STK3: variants seen among roughly 807,000 people sequenced by gnomAD.
STK3 encodes serine/threonine-protein kinase 3.
In STK3, 41 loss-of-function variants were observed where a neutral mutation model predicts 58.0. The ratio of observed to expected loss-of-function variants is 0.71; its 90% confidence interval spans 0.55 to 0.92. STK3 has a LOEUF of 0.92. Among genes scored for constraint, STK3 ranks in the 40% least tolerant of loss-of-function variants. STK3 has a pLI of 0.00. For synonymous variants in STK3, 170 were observed against 191.0 expected, an observed-to-expected ratio of 0.89 and a Z score of 0.91; for missense variants, 479 against 602.7, an observed-to-expected ratio of 0.79 and a Z score of 2.15.
intron 4 of STK3, among the ~76,000 whole-genome samples, chr8:98,731,056 T>C (rs557136478): frequency 6.6e-6 from 1 of 152,294 alleles, no homozygotes; most frequent in East Asian, 1.9e-4. Flanking sequence ...CGACAGGAGA[T>C]TATCAAATTA....
At chr8:98,922,104 T>G (rs1839588714) in intron 1 of STK3, among the ~76,000 whole-genome samples, 1 of 152,184 alleles carries the variant, frequency 6.6e-6, no homozygotes, top group African/African-American at 2.4e-5. Flanking sequence ...GGGAAACTGC[T>G]GGCGTATTTC....
At chr8:98,720,309 G>A (rs762900568) in intron 4 of STK3, among the ~76,000 whole-genome samples, 10 of 152,074 alleles carry the variant, frequency 6.6e-5, no homozygotes, top group Non-Finnish European at 1.2e-4. Context: ...TTTAACAGAC[G>A]AGGAAACGAA....
chr8:98,711,758 C>T (rs1242146315), intron 4 of STK3, among the ~76,000 whole-genome samples: 4 of 152,134 alleles, frequency 2.6e-5, no homozygotes, highest in African/African-American at 4.8e-5. Flanking sequence ...GGCAGGCTAC[C>T]ATTGAAATTC....
intron 6 of STK3, among the ~76,000 whole-genome samples, chr8:98,664,898 C>T (rs946313299): frequency 6.7e-6 from 1 of 149,960 alleles, no homozygotes; most frequent in African/African-American, 2.5e-5. Flanking sequence ...AAAACTCCGT[C>T]TCAATTAAAA....
At chr8:98,737,439 TCA>T (rs1828695417) in intron 4 of STK3, among the ~76,000 whole-genome samples, 1 of 152,080 alleles carries the variant, frequency 6.6e-6, no homozygotes, top group Admixed American at 6.5e-5. Context: ...ATACAAAATG[TCA>T]CACAGGATTA....
chr8:98,747,096 A>AG, intron 4 of STK3, among the ~76,000 whole-genome samples: 1 of 151,382 alleles, frequency 6.6e-6, no homozygotes, highest in East Asian at 1.9e-4. Flanking sequence ...CACCAAAAAA[A>AG]AAAAAAAAAA....
chr8:98,712,177 A>T (rs1477810825), intron 4 of STK3, among the ~76,000 whole-genome samples: 1 of 152,206 alleles, frequency 6.6e-6, no homozygotes, highest in Non-Finnish European at 1.5e-5. Context: ...CACTGCAAAA[A>T]CATGCCAAAT....
intron 4 of STK3, among the ~76,000 whole-genome samples, chr8:98,741,816 T>A (rs866412078): frequency 2.6e-5 from 4 of 151,876 alleles, no homozygotes; most frequent in Admixed American, 6.6e-5. Context: ...GAAAGGATCA[T>A]CAAAATTGAT....
intron 6 of STK3, among the ~76,000 whole-genome samples, chr8:98,673,331 C>T (rs1315136507): frequency 6.6e-6 from 1 of 152,172 alleles, no homozygotes; most frequent in Non-Finnish European, 1.5e-5. Context: ...CTATACCTTA[C>T]TTTGATCATC....
intron 8 of STK3, among the ~76,000 whole-genome samples, chr8:98,557,686 A>C (rs532102775): frequency 1.3e-5 from 2 of 151,968 alleles, no homozygotes; most frequent in South Asian, 4.2e-4. Flanking sequence ...TATAAAAAGA[A>C]TTAATTGTCT....
chr8:98,357,651 G>C, the STK3 span, among the ~76,000 whole-genome samples: 1 of 152,128 alleles, frequency 6.6e-6, no homozygotes, highest in Non-Finnish European at 1.5e-5. Flanking sequence ...AACCCCTTTG[G>C]GTAACATAGT....
chr8:98,906,270 G>T (rs1194235619), intron 1 of STK3: 2 of 152,466 alleles, frequency 1.3e-5, no homozygotes, highest in East Asian at 3.8e-4. Context: ...GCCGTTTCTT[G>T]GTGACATTGT....
At chr8:98,675,132 T>C (rs551629152) in intron 6 of STK3, among the ~76,000 whole-genome samples, 3 of 152,310 alleles carry the variant, frequency 2.0e-5, no homozygotes, top group South Asian at 2.1e-4. Context: ...AAGTGCTTCA[T>C]GAATAAAAGT....
chr8:98,540,510 T>C (rs181524610), intron 9 of STK3, among the ~76,000 whole-genome samples: 81 of 152,356 alleles, frequency 5.3e-4, no homozygotes, highest in Middle Eastern at 3.4e-3. Context: ...TTCCACTTCA[T>C]GTTATTTGCA....
intron 1 of STK3, among the ~76,000 whole-genome samples, chr8:98,803,609 G>A (rs2515217): frequency 0.7 from 87,732 of 124,838 alleles, 29,875 homozygotes; most frequent in African/African-American, 0.8. Context: ...AAAAAAAAAA[G>A]AAAAAAAAAG....
In STK3 at chr8:98,774,754, TC is replaced by T; in HGVS notation, c.91del (p.Glu31ArgfsTer37). The T allele has an allele frequency of 6.3e-7, 1 of 1,587,594 alleles. No individual in the cohort carries two copies. The highest frequency in any genetic ancestry group is 1.2e-5 in the South Asian group (1 of 84,374). ...TTGTACTTACCCTTCTCCAAGCTTC[TC>T]TAATACATCAAAAACTTCTTCAGGC... ...KQPEEVFDVL[E>X]KLGEGSYGSV... is the part of the protein sequence containing the mutation. On this transcript the variant is annotated frameshift_variant, in exon 2 of 11. Transcript: ENST00000419617. LOFTEE classifies it high-confidence loss of function.
intron 10 of STK3, among the ~76,000 whole-genome samples, chr8:98,481,740 TAGTA>T (rs1198181506): frequency 4.6e-5 from 7 of 151,812 alleles, no homozygotes; most frequent in African/African-American, 1.2e-4. Context: ...AAAAAAAACT[TAGTA>T]AGCCTCCTAG....
chr8:98,405,969 T>A (rs1423622803), intron 3 of STK3, among the ~76,000 whole-genome samples: 13 of 152,154 alleles, frequency 8.5e-5, no homozygotes, highest in Non-Finnish European at 4.4e-5. Flanking sequence ...GAGATTTCGA[T>A]GGGGATGCAG....
At chr8:98,563,773 C>T (rs1812252442) in intron 8 of STK3, among the ~76,000 whole-genome samples, 1 of 151,788 alleles carries the variant, frequency 6.6e-6, no homozygotes, top group Non-Finnish European at 1.5e-5. Flanking sequence ...ACAATTTAAG[C>T]AAAATAAATA....
Sources: gnomAD v4.1 joint callset for allele counts (sites outside exome capture counted in the v4.1 genomes callset) on GRCh38, gnomAD v4.1.1 for gene constraint, MANE v1.5 for transcripts, NCBI Gene and HGNC (gene_info 2026-07-23, HGNC 2026-07-21) for gene names.